Variants in INPP5J observed in about 807,000 individuals in gnomAD.
The protein encoded by INPP5J is phosphatidylinositol 4,5-bisphosphate 5-phosphatase A.
In INPP5J, 75 loss-of-function variants were observed where a neutral mutation model predicts 86.6. That is an observed-to-expected ratio of 0.87 (90% confidence interval 0.72 to 1.05). The LOEUF (loss-of-function observed/expected upper bound fraction) is 1.05, where lower values mean the gene tolerates loss of function less well. Among genes scored for constraint, INPP5J ranks in the 50% least tolerant of loss-of-function variants. The pLI, the probability that INPP5J is intolerant of heterozygous loss-of-function variation, is 0.00. For synonymous variants in INPP5J, 540 were observed against 550.0 expected (o/e 0.98, Z 0.25); for missense variants, 1,229 against 1,341.2 (o/e 0.92, Z 1.31).
chr22:31,131,815 G>T (rs548694427), intron 9 of INPP5J, among the ~76,000 whole-genome samples: 4 of 152,288 alleles, frequency 2.6e-5, no homozygotes, highest in Admixed American at 2.6e-4. Flanking sequence ...GTCTACCCTT[G>T]CCCGCCCCTG....
At chr22:31,129,733 G>A (rs1472048522) in intron 9 of INPP5J, among the ~76,000 whole-genome samples, 3 of 150,354 alleles carry the variant, frequency 2.0e-5, no homozygotes, top group Admixed American at 6.6e-5. Context: ...GTAGAGATGG[G>A]GTTTTGCCAT....
At position 31,133,902 on chromosome 22, in the gene INPP5J, A is replaced by G. The variant is rs764762963; in HGVS notation, c.2515-11A>G. The G allele has an allele frequency of 5.0e-6, 8 of 1,607,910 alleles. No homozygotes were observed. The highest frequency in any genetic ancestry group is 1.7e-5 in the Admixed American group (1 of 59,880). ...GGAGCAGGGCGCCCCAGTGACCAGC[A>G]TTTCCCCCAGATCTCGCTGCCTTCC... On this transcript the variant is annotated splice_polypyrimidine_tract_variant and intron_variant, in intron 12 of 12. Coordinates refer to ENST00000331075, the MANE Select transcript of INPP5J (RefSeq NM_001284285.2).
chr22:31,131,117 G>T (rs921364129), intron 9 of INPP5J, among the ~76,000 whole-genome samples: 1 of 152,210 alleles, frequency 6.6e-6, no homozygotes, highest in Non-Finnish European at 1.5e-5. Flanking sequence ...CTTTAGCTGG[G>T]AATGGAAATA....
chr22:31,127,321 GC>G, intron 5 of INPP5J, 35 bp from the exon 6 acceptor site: 1 of 1,565,816 alleles, frequency 6.4e-7, no homozygotes. Flanking sequence ...CCTGGCCTAA[GC>G]CCCGCCCATG....
rs1428521001 is a variant in INPP5J at position 31,125,901 on chromosome 22, C to A, written c.1162C>A (p.Leu388Ile). Reference protein sequence around the residue: ...TGPGRCLSPNLQAQEAPAPVT... With the variant: ...TGPGRCLSPNIQAQEAPAPVT... ...GCCTGGCAGGTGCCTGAGCCCCAAC[C>A]TTCAGGCCCAAGAAGCCCCAGCCCC... The change falls in exon 2 of 13, where the codon CTT (leucine) becomes ATT (isoleucine). Residue 388 changes from leucine (L) to isoleucine (I), a missense_variant. Coordinates refer to ENST00000331075, the MANE Select transcript of INPP5J (RefSeq NM_001284285.2). The A allele has an allele frequency of 1.9e-6, 3 of 1,611,392 alleles. No homozygotes were observed. Among genetic ancestry groups the A allele is most frequent in the Middle Eastern group, 1.6e-4 (1 of 6,076 alleles).
intron 6 of INPP5J, 110 bp downstream of exon 6, chr22:31,127,642 GC>G: frequency 9.0e-7 from 1 of 1,109,134 alleles, no homozygotes; most frequent in African/African-American, 1.6e-5. Context: ...GGGGTTTAGT[GC>G]CCACCCAAAC....
chr22:31,124,779 A>C, intron 1 of INPP5J, 66 bp from the exon 2 acceptor site: 1 of 1,365,782 alleles, frequency 7.3e-7, no homozygotes, highest in Non-Finnish European at 1.0e-6. Context: ...GCCAGGGTCT[A>C]TATGGAAGTT....
chr22:31,128,775 GT>G, intron 9 of INPP5J, 121 bp downstream of exon 9: 1 of 880,438 alleles, frequency 1.1e-6, no homozygotes, highest in Non-Finnish European at 1.7e-6. Context: ...TCCATTTGTT[GT>G]AACAGTGGAA....
upstream of INPP5J, chr22:31,122,951 G>C: frequency 1.8e-6 from 2 of 1,116,976 alleles, no homozygotes; most frequent in Non-Finnish European, 2.4e-6. Context: ...GACATCACTG[G>C]TTCCCGGGAG....
At chr22:31,123,220 G>A (rs1921030183) in intron 1 of INPP5J, 101 bp downstream of exon 1, 1 of 726,986 alleles carries the variant, frequency 1.4e-6, no homozygotes, top group Non-Finnish European at 2.1e-6. Context: ...TGACTGAGGG[G>A]CTGGTACTTT....
At position 31,128,625 on chromosome 22, in the gene INPP5J, A is replaced by C. The variant is rs773652320; in HGVS notation, c.2164A>C (p.Lys722Gln). ...SHMEYTVSDHKPVAAQFLLQF... is the reference protein window; with the variant it reads ...SHMEYTVSDHQPVAAQFLLQF... ...CATGGAATACACAGTCAGCGACCAC[A>C]AGCCTGTGGCTGCCCAGTTCCTCCT... The change falls in exon 9 of 13, where the codon AAG becomes CAG. Residue 722 changes from lysine (K) to glutamine (Q), a missense_variant. Transcript: ENST00000331075. 8 of 1,600,338 alleles carry C rather than the reference A, an allele frequency of 5.0e-6. No homozygotes were observed. Among genetic ancestry groups the C allele is most frequent in the Non-Finnish European group, 6.0e-6 (7 of 1,173,164 alleles).
At chr22:31,131,388 C>T (rs1001043294) in intron 9 of INPP5J, among the ~76,000 whole-genome samples, 1 of 151,986 alleles carries the variant, frequency 6.6e-6, no homozygotes, top group Non-Finnish European at 1.5e-5. Flanking sequence ...CACAGTGAAA[C>T]CCTCTCTCTA....
In INPP5J at chr22:31,134,538, C is replaced by T. The variant is rs1922426483; in HGVS notation, c.*119C>T. 32 of 1,107,536 alleles carry T rather than the reference C, an allele frequency of 2.9e-5. 1 individual carries two copies. The South Asian group carries it at 6.5e-4, about 23-fold the overall frequency. 68.6% of individuals were successfully genotyped at this position (1,107,536 alleles called of 1,614,324 possible). On this transcript the variant is annotated 3_prime_UTR_variant, in exon 13 of 13. Transcript: ENST00000331075. ...TCTGCACCTGCCTCTCTGTCCTGGC[C>T]AGGGGTGGACAACTGGGGTCCCCCA...
In INPP5J at chr22:31,133,933, G is replaced by A. The variant is rs754900083; in HGVS notation, c.2535G>A (p.Glu845=). 6.5e-5 allele frequency: 105 copies of A among 1,612,068 alleles called. No homozygotes were observed. The highest frequency in any genetic ancestry group is 8.0e-5 in the African/African-American group (6 of 74,904). The change falls in exon 13 of 13, where the codon GAG becomes GAA. Residue 845 remains glutamate, a synonymous_variant. Coordinates refer to ENST00000331075, the MANE Select transcript of INPP5J (RefSeq NM_001284285.2). ...EPFQISLPSS[E]LASSSTDSSG... ...CCCAGATCTCGCTGCCTTCCTCGGAGTTGGCCAGCAGCAGCACAGACAGCT... is the reference window on the plus strand; with the variant it reads ...CCCAGATCTCGCTGCCTTCCTCGGAATTGGCCAGCAGCAGCACAGACAGCT...
At position 31,126,385 on chromosome 22, in the gene INPP5J, G is replaced by A; in HGVS notation, c.1281G>A (p.Val427=). The A allele has an allele frequency of 6.2e-7, 1 of 1,613,160 alleles. No homozygotes were observed. Among genetic ancestry groups the A allele is most frequent in the Non-Finnish European group, 8.5e-7 (1 of 1,179,398 alleles). The change falls in exon 3 of 13, where the codon GTG becomes GTA. Residue 427 remains valine (V), a synonymous_variant. Transcript: ENST00000331075. The part of the protein sequence containing the change: ...WKSDPGFRIT[V]VTWNVGTAMP... ...ATGCCCCTGCCCTCAGGATCACTGT[G>A]GTCACATGGAACGTGGGCACTGCCA...
At chr22:31,123,580 G>A (rs1921066792) in intron 1 of INPP5J, among the ~76,000 whole-genome samples, 1 of 152,184 alleles carries the variant, frequency 6.6e-6, no homozygotes, top group Non-Finnish European at 1.5e-5. Context: ...CCACCTCAAA[G>A]AACTGAGTTT....
At chr22:31,128,144 G>A in intron 7 of INPP5J, 70 bp from the exon 8 acceptor site, 1 of 1,437,860 alleles carries the variant, frequency 7.0e-7, no homozygotes, top group South Asian at 1.2e-5. Flanking sequence ...GTCCTCACCT[G>A]CCCCACCCCC....
At chr22:31,132,995 C>A (rs1170514751) in intron 9 of INPP5J, 103 bp from the exon 10 acceptor site, 25 of 1,465,412 alleles carry the variant, frequency 1.7e-5, no homozygotes, top group Non-Finnish European at 2.1e-5. Context: ...TAAAGTGGCC[C>A]TTTGTCTCAG....
rs148121686 is a variant in INPP5J at position 31,128,827 on chromosome 22, C to G, written c.2193+173C>G. On this transcript the variant is annotated intron_variant, in intron 9 of 12. Transcript: ENST00000331075. Reference sequence around the variant, plus strand: ...ACATTTTCAGATGAGGAAGCTGAGGCTCAGACACATGGCATCACCTGCCCA... The same window carrying G: ...ACATTTTCAGATGAGGAAGCTGAGGGTCAGACACATGGCATCACCTGCCCA... 1.9e-4 allele frequency among the ~76,000 whole-genome samples: 29 copies of G among 152,150 alleles called. No homozygotes were observed. The East Asian group carries it at 5.2e-3, about 27-fold the overall frequency.
Sources: allele counts gnomAD v4.1 joint callset (sites outside exome capture counted in the v4.1 genomes callset), GRCh38; gene constraint gnomAD v4.1.1; transcripts MANE v1.5; gene names NCBI Gene and HGNC (gene_info 2026-07-23, HGNC 2026-07-21).